Variants in COL5A1 observed in about 807,000 individuals in gnomAD.
The protein encoded by COL5A1 is collagen alpha-1(V) chain.
A neutral mutation model predicts 263.7 loss-of-function variants in COL5A1; 16 were observed. The ratio of observed to expected loss-of-function variants is 0.06; its 90% CI spans 0.04 to 0.09. The LOEUF (loss-of-function observed/expected upper bound fraction) is 0.09, where lower values mean the gene tolerates loss of function less well. COL5A1 is among the 10% of genes least tolerant of loss of function. The pLI is 1.00. For synonymous variants in COL5A1, 1,012 were observed against 1,004.5 expected, an observed-to-expected ratio of 1.01 and a Z score of -0.14; for missense variants, 2,036 against 2,540.5, an observed-to-expected ratio of 0.80 and a Z score of 4.27.
intron 63 of COL5A1, among the ~76,000 whole-genome samples, chr9:134,827,472 G>C (rs1814852344): frequency 6.6e-6 from 1 of 152,232 alleles, no homozygotes; most frequent in South Asian, 2.1e-4. Flanking sequence ...GTTTCCCTCA[G>C]TCTGGCCAGA....
At chr9:134,659,317 C>T (rs1011198687) in intron 1 of COL5A1, among the ~76,000 whole-genome samples, 1 of 152,018 alleles carries the variant, frequency 6.6e-6, no homozygotes, top group African/African-American at 2.4e-5. Flanking sequence ...TGAACCTGGG[C>T]GGCAGAGGTT....
chr9:134,804,888 A>G, intron 39 of COL5A1, 87 bp from the exon 40 acceptor site: 3 of 1,152,276 alleles, frequency 2.6e-6, no homozygotes, highest in Non-Finnish European at 3.9e-6. Context: ...CCAAGAGAGA[A>G]GGCCCCAGCC....
Position 134,700,148 on chromosome 9 carries a change from TC to T in COL5A1, c.491+31del, listed in dbSNP as rs767009167. ...GTAAGTGGGCACTTCTGGGCAACTG[TC>T]CCCCTGCTGGAGGGGGGATCAGGCC... On this transcript the variant is annotated intron_variant, in intron 3 of 65. Transcript: ENST00000371817. This position sits in a 1 kb window ranked among gnomAD's most constrained non-coding sequence, Gnocchi z 4.0. The T allele has an allele frequency of 1.3e-6, 2 of 1,592,496 alleles. No homozygotes were observed. Among genetic ancestry groups the T allele is most frequent in the South Asian group, 1.1e-5 (1 of 90,710 alleles).
intron 65 of COL5A1, among the ~76,000 whole-genome samples, chr9:134,838,391 G>C (rs754020683): frequency 5.3e-5 from 8 of 152,204 alleles, no homozygotes; most frequent in African/African-American, 1.9e-4. Flanking sequence ...AGGGCAAAGA[G>C]GACCTGCTCC....
At chr9:134,820,054 C>T (rs2132868584) in intron 57 of COL5A1, 62 bp from the exon 58 acceptor site, 1 of 1,271,230 alleles carries the variant, frequency 7.9e-7, no homozygotes, top group East Asian at 2.3e-5. Context: ...AACTGGCCCA[C>T]CGTGGCCGAG....
chr9:134,784,878 G>T, intron 29 of COL5A1, 111 bp from the exon 30 acceptor site: 1 of 885,664 alleles, frequency 1.1e-6, no homozygotes, highest in South Asian at 1.4e-5. Flanking sequence ...GAGCAGCTCT[G>T]ACCACAGGGT....
intron 1 of COL5A1, among the ~76,000 whole-genome samples, chr9:134,668,396 G>A (rs1046729810): frequency 6.6e-6 from 1 of 152,304 alleles, no homozygotes; most frequent in South Asian, 2.1e-4. Context: ...ATGTGCAAAC[G>A]CCTGATCACT....
At chr9:134,715,093 G>C (rs913525844) in intron 4 of COL5A1, among the ~76,000 whole-genome samples, 2 of 151,794 alleles carry the variant, frequency 1.3e-5, no homozygotes, top group African/African-American at 4.8e-5. Flanking sequence ...ACCAGTCTCT[G>C]AGTTCCCTCA....
rs572423692 is a variant in COL5A1 at position 134,783,436 on chromosome 9, G to T, written c.2484+716G>T. Among the ~76,000 whole-genome samples the T allele has an allele frequency of 7.9e-5, 12 of 152,326 alleles. No homozygotes were observed. The South Asian group carries it at 2.5e-3, about 32-fold the overall frequency. On this transcript the variant is annotated intron_variant, in intron 29 of 65. Transcript: ENST00000371817. ...GTGACGCAAAGGGCACGAAGGAAGG[G>T]TAGGGAGCTCTTAGAGCAGCCAGGG... is the stretch of plus-strand genomic sequence containing the variant.
At chr9:134,778,097 G>T (rs1053173857) in intron 27 of COL5A1, among the ~76,000 whole-genome samples, 3 of 152,270 alleles carry the variant, frequency 2.0e-5, no homozygotes, top group Non-Finnish European at 4.4e-5. Flanking sequence ...CTGAGGCGAT[G>T]CCACGCCGTG....
chr9:134,730,461 T>A lies in COL5A1; in HGVS notation c.1150T>A (p.Ser384Thr). 6.2e-7 allele frequency: 1 copy of A among 1,613,916 alleles called. No individual in the cohort carries two copies. The highest frequency in any genetic ancestry group is 8.5e-7 in the Non-Finnish European group (1 of 1,179,976). The stretch of plus-strand genomic sequence containing the variant: ...AATTCCCACCAGCACCGCCGACACC[T>A]CCAACTCCTCCAATGTAATTTCTTT... ...AEIPTSTADT[S>T]NSSNPAPPPG... The change falls in exon 7 of 66, where the codon TCC becomes ACC. Residue 384 changes from serine (S) to threonine (T), a missense_variant. By Grantham distance (58) the Ser-to-Thr change is moderately conservative. Transcript: ENST00000371817.
rs532026132 is a variant in COL5A1 at position 134,750,722 on chromosome 9, C to A, written c.1570-68C>A. ...CACTGGAGAGGCCTGTGGGCCCCGT[C>A]TCAGTCTGTGGTCTTGCCTGGGTGC... is the stretch of plus-strand genomic sequence containing the variant. On this transcript the variant is annotated intron_variant, in intron 12 of 65. Coordinates refer to ENST00000371817, the MANE Select transcript of COL5A1 (RefSeq NM_000093.5). The A allele has an allele frequency of 2.0e-4, 318 of 1,598,738 alleles. 1 individual carries two copies. The East Asian group carries it at 4.8e-3, about 24-fold the overall frequency.
intron 11 of COL5A1, among the ~76,000 whole-genome samples, chr9:134,748,087 G>T (rs1170324915): frequency 7.0e-6 from 1 of 143,152 alleles, no homozygotes; most frequent in Non-Finnish European, 1.5e-5. Flanking sequence ...AAACATGCAT[G>T]CACAGACATG....
chr9:134,830,471 A>G (rs1839567022), intron 64 of COL5A1: 1 of 514,720 alleles, frequency 1.9e-6, no homozygotes, highest in Non-Finnish European at 3.5e-6. Context: ...CAGACGGTGC[A>G]GCCCCAGGCA....
chr9:134,730,611 C>G (rs1024692457), intron 7 of COL5A1, 136 bp downstream of exon 7: 8 of 1,201,326 alleles, frequency 6.7e-6, no homozygotes, highest in Non-Finnish European at 9.6e-6. Flanking sequence ...TCCACCACAC[C>G]CTGGCCCTGG....
At chr9:134,781,146 G>A (rs1011827799) in intron 28 of COL5A1, among the ~76,000 whole-genome samples, 2 of 152,214 alleles carry the variant, frequency 1.3e-5, no homozygotes, top group African/African-American at 2.4e-5. Flanking sequence ...CCGAGGGGAC[G>A]CATTGAGTGG....
At chr9:134,790,429 C>T (rs1424107363) in intron 32 of COL5A1, among the ~76,000 whole-genome samples, 1 of 112,408 alleles carries the variant, frequency 8.9e-6, no homozygotes, top group Non-Finnish European at 1.9e-5. Context: ...CAGCCACCCA[C>T]CCATCCATCC....
At chr9:134,767,239 C>T in intron 23 of COL5A1, 71 bp from the exon 24 acceptor site, 2 of 1,530,128 alleles carry the variant, frequency 1.3e-6, no homozygotes. Flanking sequence ...AGAAGATGGA[C>T]AGATGGCAGG....
chr9:134,796,403 C>T lies in COL5A1; in HGVS notation c.2829C>T (p.Gly943=), dbSNP rs1459428843. Residue 943 remains glycine, a synonymous_variant, in exon 35 of 66, where the codon GGC becomes GGT. Coordinates refer to ENST00000371817, the MANE Select transcript of COL5A1 (RefSeq NM_000093.5). The stretch of plus-strand genomic sequence containing the variant: ...ACTCCGGAGGTGACGGCCCAGCTGG[C>T]CCTCCTGGTGAACGGGTAAGCAGCT... The part of the protein sequence containing the change: ...KGNSGGDGPA[G]PPGERGPNGP... The T allele has an allele frequency of 2.5e-6, 4 of 1,614,152 alleles. No homozygotes were observed. In the East Asian group the frequency reaches 6.7e-5, roughly 27 times the overall value.
Sources: gnomAD v4.1 joint callset for allele counts (sites outside exome capture counted in the v4.1 genomes callset) on GRCh38, gnomAD v4.1.1 for gene constraint, Gnocchi (gnomAD v3.1) non-coding constraint, MANE v1.5 for transcripts, NCBI Gene and HGNC (gene_info 2026-07-23, HGNC 2026-07-21) for gene names.